Variants in ATP10A observed in about 807,000 individuals in gnomAD.
ATP10A encodes ATPase phospholipid transporting 10A (putative).
ATP10A carries 111 observed loss-of-function variants against 147.8 expected under a neutral mutation model. The ratio of observed to expected loss-of-function variants is 0.75; its 90% CI spans 0.64 to 0.88. The LOEUF (loss-of-function observed/expected upper bound fraction) is 0.88. Ranked by LOEUF, ATP10A falls within the 40% of genes least tolerant of loss-of-function variation. The probability of loss-of-function intolerance (pLI) is 0.00; values close to 1 mark genes in which losing one functional copy is unlikely to be tolerated. For synonymous variants in ATP10A, 875 were observed against 841.6 expected, an observed-to-expected ratio of 1.04 and a Z score of -0.69; for missense variants, 1,927 against 1,959.0, an observed-to-expected ratio of 0.98 and a Z score of 0.31.
chr15:25,848,127 GT>G (rs66727128), intron 1 of ATP10A, among the ~76,000 whole-genome samples: 142,590 of 148,610 alleles, frequency 0.96, 68,639 homozygotes, highest in South Asian at 1. Context: ...TCTAAAAAGT[GT>G]TTTTTTTTTT....
intron 1 of ATP10A, among the ~76,000 whole-genome samples, chr15:25,859,614 G>A (rs1893666840): frequency 6.6e-6 from 1 of 151,960 alleles, no homozygotes; most frequent in East Asian, 1.9e-4. Flanking sequence ...AACCTGCTGA[G>A]CGTGGCTCAA....
intron 1 of ATP10A, among the ~76,000 whole-genome samples, chr15:25,828,607 A>C (rs1313984423): frequency 6.6e-6 from 1 of 152,250 alleles, no homozygotes; most frequent in Admixed American, 6.5e-5. Flanking sequence ...ACAAAAATCC[A>C]ACACACCAAA....
chr15:25,771,471 G>A (rs1168866883), intron 2 of ATP10A, among the ~76,000 whole-genome samples: 2 of 152,130 alleles, frequency 1.3e-5, no homozygotes, highest in African/African-American at 4.8e-5. Context: ...ACTAAAGTCT[G>A]TTGGATTCCA....
chr15:25,736,828 T>G (rs1596789612), intron 2 of ATP10A, among the ~76,000 whole-genome samples: 1 of 152,228 alleles, frequency 6.6e-6, no homozygotes, highest in Non-Finnish European at 1.5e-5. Context: ...ATTTCTTTTT[T>G]ATCAGCTCTC....
intron 1 of ATP10A, among the ~76,000 whole-genome samples, chr15:25,790,377 A>C (rs1269467757): frequency 6.6e-6 from 1 of 152,238 alleles, no homozygotes; most frequent in Admixed American, 6.5e-5. Context: ...GTGTGGAAGC[A>C]CATGTGTGCA....
chr15:25,690,206 AC>A (rs1312832645), intron 15 of ATP10A, among the ~76,000 whole-genome samples: 2 of 148,530 alleles, frequency 1.3e-5, no homozygotes, highest in East Asian at 4.1e-4. Flanking sequence ...TTCATGACAC[AC>A]CTACGTTTTC....
At chr15:25,818,616 A>T (rs1039953741) in intron 1 of ATP10A, among the ~76,000 whole-genome samples, 1 of 152,196 alleles carries the variant, frequency 6.6e-6, no homozygotes. Context: ...CCTAAAATTC[A>T]TATGAACCCA....
chr15:25,791,792 A>G (rs1171763208), intron 1 of ATP10A, among the ~76,000 whole-genome samples: 3 of 152,106 alleles, frequency 2.0e-5, no homozygotes, highest in Non-Finnish European at 4.4e-5. Context: ...TGCTTTGGAA[A>G]TATTTTTCTC....
In ATP10A at chr15:25,687,783, C is replaced by T; in HGVS notation, c.3211G>A (p.Glu1071Lys). 2.5e-6 allele frequency: 4 copies of T among 1,613,868 alleles called. No homozygotes were observed. Among genetic ancestry groups the T allele is most frequent in the Non-Finnish European group, 3.4e-6 (4 of 1,179,874 alleles). The part of the protein sequence containing the change: ...DFAVPKFRYL[E>K]RLLILHGHWC... ...TGCCCGTGAAGAATCAAGAGCCTCT[C>T]CAGGTATCGGAATTTCGGCACTGCA... The change falls in exon 16 of 21, where the codon GAG becomes AAG. Residue 1071 changes from glutamate (E) to lysine (K), a missense_variant. Physicochemically the swap from Glu to Lys is moderately conservative, Grantham distance 56. Coordinates refer to ENST00000555815, the MANE Select transcript of ATP10A (RefSeq NM_024490.4).
intron 1 of ATP10A, chr15:25,861,969 C>T: frequency 3.2e-6 from 1 of 315,434 alleles, no homozygotes; most frequent in South Asian, 2.4e-5. Context: ...CGCAGGGTCA[C>T]CCCTGGTACT....
chr15:25,859,736 C>G (rs1231253110), intron 1 of ATP10A, among the ~76,000 whole-genome samples: 1 of 152,220 alleles, frequency 6.6e-6, no homozygotes, highest in Middle Eastern at 3.4e-3. Context: ...TTCTAACAGG[C>G]TCTAAGGGGA....
intron 1 of ATP10A, among the ~76,000 whole-genome samples, chr15:25,828,643 G>A (rs1189968577): frequency 6.6e-6 from 1 of 152,202 alleles, no homozygotes; most frequent in Non-Finnish European, 1.5e-5. Flanking sequence ...CTAAAGCAGG[G>A]CTTAGAGGGA....
intron 7 of ATP10A, among the ~76,000 whole-genome samples, chr15:25,721,449 G>A (rs1358935932): frequency 2.6e-5 from 4 of 152,164 alleles, no homozygotes; most frequent in African/African-American, 9.7e-5. Flanking sequence ...GGCCGTGCCA[G>A]TGCCTGTTCT....
intron 9 of ATP10A, among the ~76,000 whole-genome samples, chr15:25,716,358 C>A (rs1901807053): frequency 6.6e-6 from 1 of 152,174 alleles, no homozygotes; most frequent in South Asian, 2.1e-4. Context: ...TCTGGCCCTG[C>A]CCCAGGCCAG....
intron 2 of ATP10A, among the ~76,000 whole-genome samples, chr15:25,760,706 C>G (rs1051112404): frequency 2.0e-5 from 3 of 152,144 alleles, no homozygotes; most frequent in African/African-American, 4.8e-5. Flanking sequence ...TGGAGCTGGG[C>G]ACGGTGGCTC....
intron 1 of ATP10A, among the ~76,000 whole-genome samples, chr15:25,842,633 T>C (rs971807338): frequency 6.6e-6 from 1 of 152,296 alleles, no homozygotes; most frequent in East Asian, 1.9e-4. Flanking sequence ...ATGAATAGAA[T>C]GAATATGTCA....
chr15:25,837,465 A>G (rs1892643915), intron 1 of ATP10A, among the ~76,000 whole-genome samples: 1 of 152,196 alleles, frequency 6.6e-6, no homozygotes, highest in Admixed American at 6.5e-5. Flanking sequence ...ACACACGGAC[A>G]GAGTAGAAAG....
chr15:25,792,311 G>T (rs964135302), intron 1 of ATP10A, among the ~76,000 whole-genome samples: 2 of 152,210 alleles, frequency 1.3e-5, no homozygotes, highest in African/African-American at 4.8e-5. Context: ...CCTGCTCAGG[G>T]TGGAGCCCAG....
intron 1 of ATP10A, among the ~76,000 whole-genome samples, chr15:25,789,614 T>A (rs1016705026): frequency 1.5e-5 from 2 of 132,768 alleles, no homozygotes; most frequent in African/African-American, 6.1e-5. Flanking sequence ...GAGAAAATAA[T>A]TTTACATCAC....
Sources: allele counts gnomAD v4.1 joint callset (sites outside exome capture counted in the v4.1 genomes callset), GRCh38; gene constraint gnomAD v4.1.1; transcripts MANE v1.5; gene names NCBI Gene and HGNC (gene_info 2026-07-23, HGNC 2026-07-21).